The following ADD2 variants were observed in gnomAD, a reference collection of about 807,000 sequenced individuals.
The protein encoded by ADD2 is adducin 2, also known as beta-adducin.
A neutral mutation model predicts 83.0 loss-of-function variants in ADD2; 23 were observed. The ratio of observed to expected loss-of-function variants is 0.28; its 90% CI spans 0.20 to 0.39. The LOEUF is 0.39. ADD2 is among the 10% of genes least tolerant of loss of function. The pLI is 1.00. For missense variants in ADD2, 758 were observed against 944.9 expected (o/e 0.80, Z 2.59); for synonymous variants, 375 against 375.4 (o/e 1.00, Z 0.01).
rs1553364684 is a variant in ADD2 at position 70,659,607 on chromosome 2, G to A, written c.*3818C>T. The A allele has an allele frequency of 6.6e-6, 1 of 152,226 alleles. No individual in the cohort carries two copies. Among genetic ancestry groups the A allele is most frequent in the African/African-American group, 2.4e-5 (1 of 41,450 alleles). The allele number at this position is 152,226 out of a possible 1,614,324, so 9.4% of individuals were successfully genotyped here. On this transcript the variant is annotated 3_prime_UTR_variant, in exon 16 of 16. Transcript: ENST00000264436. ...GAAGAACCCTGTTTTAGTTATAGGA[G>A]AGTGGAGGGGGTCAACTGGCCAAAG...
intron 13 of ADD2, chr2:70,675,091 CA>C: frequency 8.4e-7 from 1 of 1,194,620 alleles, no homozygotes; most frequent in Non-Finnish European, 1.0e-6. Context: ...TGCTCCCGAG[CA>C]GAAGGAAGAC....
At chr2:70,729,546 CA>C (rs1340158589) in intron 1 of ADD2, among the ~76,000 whole-genome samples, 2 of 152,044 alleles carry the variant, frequency 1.3e-5, no homozygotes, top group Admixed American at 6.5e-5. Context: ...GTGCTTTGTC[CA>C]AAAAAGACTC....
intron 15 of ADD2, among the ~76,000 whole-genome samples, chr2:70,666,174 T>C (rs143015625): frequency 6.6e-6 from 1 of 152,336 alleles, no homozygotes; most frequent in African/African-American, 2.4e-5. Context: ...TAGGGCAAAA[T>C]TGTGTCTAAT....
intron 15 of ADD2, 119 bp from the exon 16 acceptor site, chr2:70,663,854 C>A (rs1675640681): frequency 9.0e-7 from 1 of 1,111,182 alleles, no homozygotes; most frequent in East Asian, 2.6e-5. Flanking sequence ...GAGGGGAGGG[C>A]CAGCCTGATG....
At chr2:70,745,211 G>T (rs868916673) in intron 1 of ADD2, among the ~76,000 whole-genome samples, 1 of 152,188 alleles carries the variant, frequency 6.6e-6, no homozygotes, top group African/African-American at 2.4e-5. Flanking sequence ...GTGTGAACCC[G>T]GAGGGCGGAG....
intron 1 of ADD2, among the ~76,000 whole-genome samples, chr2:70,754,321 C>T (rs13416248): frequency 0.22 from 33,160 of 151,984 alleles, 4,190 homozygotes; most frequent in East Asian, 0.48. Context: ...TACATAAAGC[C>T]CACTTCTGTG....
At chr2:70,731,867 G>C (rs1351081140) in intron 1 of ADD2, among the ~76,000 whole-genome samples, 2 of 152,192 alleles carry the variant, frequency 1.3e-5, no homozygotes, top group African/African-American at 4.8e-5. Flanking sequence ...CACAAGAGGA[G>C]GTAGACAATG....
At position 70,711,573 on chromosome 2, in the gene ADD2, C is replaced by T. The variant is rs1672179871; in HGVS notation, c.-35+1493G>A. On this transcript the variant is annotated intron_variant, in intron 2 of 15. Coordinates refer to ENST00000264436, the MANE Select transcript of ADD2 (RefSeq NM_001617.4). ...TCTGGACAGCAAGGTGTAACAAATG[C>T]CCCTTGATTTTTAAAAAAAACTCTG... 2.6e-5 allele frequency among the ~76,000 whole-genome samples: 4 copies of T among 152,070 alleles called. No individual in the cohort carries two copies. The South Asian group carries it at 8.3e-4, about 32-fold the overall frequency.
intron 4 of ADD2, among the ~76,000 whole-genome samples, chr2:70,704,061 C>T (rs2104376947): frequency 6.6e-6 from 1 of 152,258 alleles, no homozygotes; most frequent in South Asian, 2.1e-4. Flanking sequence ...TCAGTGGTCT[C>T]TTCCCGTCCA....
intron 4 of ADD2, 26 bp from the exon 5 acceptor site, chr2:70,696,422 G>A: frequency 6.2e-7 from 1 of 1,613,288 alleles, no homozygotes; most frequent in Middle Eastern, 1.7e-4. Flanking sequence ...AGTTCTCTCA[G>A]GGCCAGGGCC....
chr2:70,726,149 G>C (rs2016914), intron 1 of ADD2, among the ~76,000 whole-genome samples: 4 of 142,824 alleles, frequency 2.8e-5, no homozygotes, highest in Non-Finnish European at 6.0e-5. Flanking sequence ...ATCCCGCCAC[G>C]GCACTCCAGC....
chr2:70,657,282 T>C lies in ADD2; in HGVS notation c.*6143A>G, dbSNP rs1463995560. Reference sequence around the variant, plus strand: ...GACAGTAAGTACTCTTGCGTGACGATTGTCAGACACAGACATTTCACTGAA... The same window carrying C: ...GACAGTAAGTACTCTTGCGTGACGACTGTCAGACACAGACATTTCACTGAA... On this transcript the variant is annotated 3_prime_UTR_variant, in exon 16 of 16. Transcript: ENST00000264436. 5 of 152,182 alleles carry C rather than the reference T, an allele frequency of 3.3e-5. No individual in the cohort carries two copies. In the East Asian group the frequency reaches 9.6e-4, roughly 29 times the overall value. The allele number at this position is 152,182 out of a possible 1,614,324, so 9.4% of individuals were successfully genotyped here.
chr2:70,726,944 C>A (rs1673035297), intron 1 of ADD2, among the ~76,000 whole-genome samples: 1 of 152,220 alleles, frequency 6.6e-6, no homozygotes, highest in African/African-American at 2.4e-5. Flanking sequence ...CAGTCCCCAA[C>A]CCCACAATGC....
At chr2:70,743,926 G>A (rs1553381532) in intron 1 of ADD2, among the ~76,000 whole-genome samples, 1 of 152,218 alleles carries the variant, frequency 6.6e-6, no homozygotes, top group East Asian at 1.9e-4. Context: ...TAGCCATCCA[G>A]TCAGCCATTT....
chr2:70,725,979 A>G (rs868990199), intron 1 of ADD2, among the ~76,000 whole-genome samples: 10 of 151,966 alleles, frequency 6.6e-5, no homozygotes, highest in Non-Finnish European at 8.8e-5. Context: ...CGAGGTCAGG[A>G]GATCGAGACC....
chr2:70,699,481 T>A (rs1303001728), intron 4 of ADD2, among the ~76,000 whole-genome samples: 2 of 152,106 alleles, frequency 1.3e-5, no homozygotes, highest in Non-Finnish European at 2.9e-5. Flanking sequence ...ATAGGAAGTT[T>A]ACAAAAAATA....
intron 1 of ADD2, among the ~76,000 whole-genome samples, chr2:70,720,434 G>A (rs551323841): frequency 6.6e-6 from 1 of 152,242 alleles, no homozygotes; most frequent in Non-Finnish European, 1.5e-5. Flanking sequence ...AGGGTGTTAA[G>A]AACAGGATGG....
intron 1 of ADD2, among the ~76,000 whole-genome samples, chr2:70,729,759 C>T (rs782705973): frequency 6.6e-6 from 1 of 152,152 alleles, no homozygotes; most frequent in African/African-American, 2.4e-5. Context: ...CTAAATACCC[C>T]CTTGGACCAT....
At chr2:70,696,514 G>T in intron 4 of ADD2, 118 bp from the exon 5 acceptor site, 1 of 1,357,370 alleles carries the variant, frequency 7.4e-7, no homozygotes, top group Non-Finnish European at 1.0e-6. Context: ...CCCCAGGCAG[G>T]GAATTAAACA....
Sources: gnomAD v4.1 joint callset for allele counts (sites outside exome capture counted in the v4.1 genomes callset) on GRCh38, gnomAD v4.1.1 for gene constraint, MANE v1.5 for transcripts, NCBI Gene and HGNC (gene_info 2026-07-23, HGNC 2026-07-21) for gene names.